The following CACNA2D3 variants were observed in gnomAD, a reference collection of about 807,000 sequenced individuals.
The protein encoded by CACNA2D3 is calcium voltage-gated channel auxiliary subunit alpha2delta 3, also known as voltage-dependent calcium channel subunit alpha-2/delta-3.
In CACNA2D3, 60 loss-of-function variants were observed where a neutral mutation model predicts 160.6. The observed-to-expected ratio is 0.37, with a 90% CI of 0.30 to 0.46. The LOEUF (loss-of-function observed/expected upper bound fraction) is 0.46. Among genes scored for constraint, CACNA2D3 ranks in the 20% least tolerant of loss-of-function variants. The probability of loss-of-function intolerance (pLI) is 1.00; values close to 1 mark genes in which losing one functional copy is unlikely to be tolerated. For missense variants in CACNA2D3, 1,205 were observed against 1,365.0 expected (o/e 0.88, Z 1.85); for synonymous variants, 558 against 492.9 (o/e 1.13, Z -1.75).
chr3:54,123,445 G>T, intron 1 of CACNA2D3, 68 bp from the exon 2 acceptor site: 2 of 988,460 alleles, frequency 2.0e-6, no homozygotes, highest in Non-Finnish European at 3.3e-6. Flanking sequence ...ATGTGTGCGT[G>T]TGCGTGTGCG....
intron 10 of CACNA2D3, among the ~76,000 whole-genome samples, chr3:54,641,561 C>T (rs760725352): frequency 6.6e-5 from 10 of 152,122 alleles, no homozygotes; most frequent in South Asian, 2.1e-4. Flanking sequence ...AATTCTCTAG[C>T]GAATGCAAAT....
chr3:54,564,509 G>A (rs150756361), intron 6 of CACNA2D3, among the ~76,000 whole-genome samples: 190 of 152,280 alleles, frequency 1.2e-3, no homozygotes, highest in African/African-American at 3.7e-3. Flanking sequence ...TCTGTGCTTG[G>A]TTCTGAACAC....
At chr3:54,823,347 AG>A (rs1703682794) in intron 14 of CACNA2D3, among the ~76,000 whole-genome samples, 1 of 152,134 alleles carries the variant, frequency 6.6e-6, no homozygotes, top group Non-Finnish European at 1.5e-5. Flanking sequence ...AAAAAAACAA[AG>A]TAAAAACAAT....
chr3:54,709,809 C>T (rs1700922501), intron 11 of CACNA2D3, among the ~76,000 whole-genome samples: 1 of 152,122 alleles, frequency 6.6e-6, no homozygotes, highest in Non-Finnish European at 1.5e-5. Flanking sequence ...GCCTGTGGGT[C>T]CAGCTACTCA....
chr3:54,596,888 C>G (rs1169840258), intron 9 of CACNA2D3, among the ~76,000 whole-genome samples: 1 of 152,100 alleles, frequency 6.6e-6, no homozygotes, highest in Non-Finnish European at 1.5e-5. Flanking sequence ...GAAATCTTCC[C>G]TTCCCACCTA....
Position 54,984,175 on chromosome 3 carries a change from A to T in CACNA2D3, c.2557-433A>T, listed in dbSNP as rs575547458. On this transcript the variant is annotated intron_variant, in intron 29 of 37. Transcript: ENST00000474759. ...TCTGAGCTGACACGGTGTTTTCATTAATACATCATTAGAGTAATGACATTG... is the reference window on the plus strand; with the variant it reads ...TCTGAGCTGACACGGTGTTTTCATTTATACATCATTAGAGTAATGACATTG... Among the ~76,000 whole-genome samples the T allele has an allele frequency of 4.6e-5, 7 of 152,312 alleles. No homozygotes were observed. The South Asian group carries it at 1.5e-3, about 32-fold the overall frequency.
At chr3:54,468,739 G>A (rs528593654) in intron 4 of CACNA2D3, among the ~76,000 whole-genome samples, 2 of 152,152 alleles carry the variant, frequency 1.3e-5, no homozygotes, top group Non-Finnish European at 2.9e-5. Context: ...CAAGCTTGGT[G>A]GGGGGAGGTG....
intron 13 of CACNA2D3, among the ~76,000 whole-genome samples, chr3:54,806,331 A>T (rs1703122137): frequency 6.6e-6 from 1 of 152,200 alleles, no homozygotes; most frequent in South Asian, 2.1e-4. Flanking sequence ...AATCTCCTTA[A>T]GCTGATAAGC....
intron 2 of CACNA2D3, among the ~76,000 whole-genome samples, chr3:54,315,236 T>A (rs1369438946): frequency 6.6e-6 from 1 of 152,180 alleles, no homozygotes; most frequent in East Asian, 1.9e-4. Flanking sequence ...CTTTGCCCTC[T>A]CCAGGTATTT....
intron 2 of CACNA2D3, among the ~76,000 whole-genome samples, chr3:54,247,486 A>G (rs917339994): frequency 3.3e-5 from 5 of 152,252 alleles, no homozygotes; most frequent in South Asian, 2.1e-4. Context: ...TATTTTAGAA[A>G]TAAAGATTAA....
chr3:54,542,480 T>C (rs1007319392), intron 5 of CACNA2D3, among the ~76,000 whole-genome samples: 11 of 152,076 alleles, frequency 7.2e-5, no homozygotes, highest in African/African-American at 2.7e-4. Flanking sequence ...TCTCAAAACC[T>C]CACAAGTAGG....
intron 26 of CACNA2D3, 81 bp from the exon 27 acceptor site, chr3:54,899,707 C>A: frequency 1.9e-6 from 2 of 1,059,590 alleles, no homozygotes; most frequent in Non-Finnish European, 2.8e-6. Flanking sequence ...GAATTGGTGA[C>A]TGTAGACCGA....
At chr3:55,018,893 G>A (rs1703386605) in intron 35 of CACNA2D3, among the ~76,000 whole-genome samples, 1 of 149,168 alleles carries the variant, frequency 6.7e-6, no homozygotes, top group Admixed American at 6.7e-5. Context: ...CTTTACAATC[G>A]TATGCATTGT....
intron 4 of CACNA2D3, among the ~76,000 whole-genome samples, chr3:54,454,631 A>G (rs916332452): frequency 2.6e-5 from 4 of 152,134 alleles, no homozygotes; most frequent in Admixed American, 2.6e-4. Flanking sequence ...TCTTCCAGCT[A>G]TTTAAAAATA....
chr3:54,803,345 C>T (rs1362688537), intron 13 of CACNA2D3, among the ~76,000 whole-genome samples: 2 of 151,978 alleles, frequency 1.3e-5, no homozygotes, highest in Non-Finnish European at 2.9e-5. Context: ...GTAGAATAAC[C>T]AATACAGAGA....
rs866135174 is a variant in CACNA2D3, at chr3:54,929,267, C to A, written c.2449+29399C>A. Among the ~76,000 whole-genome samples, 5 of 152,230 alleles carry A rather than the reference C, an allele frequency of 3.3e-5. No homozygotes were observed. In the East Asian group the frequency reaches 9.7e-4, roughly 29 times the overall value. On this transcript the variant is annotated intron_variant, in intron 27 of 37. Transcript: ENST00000474759. Reference sequence around the variant, plus strand: ...GCCCAGGATTAAATATGGCAGTACACGACATGGCCCAGAGTGTCTTCATAA... The same window carrying A: ...GCCCAGGATTAAATATGGCAGTACAAGACATGGCCCAGAGTGTCTTCATAA...
Position 54,642,369 on chromosome 3 carries a change from G to T in CACNA2D3, c.1167+128G>T, listed in dbSNP as rs535967721. The T allele has an allele frequency of 5.7e-6, 3 of 528,990 alleles. No homozygotes were observed. The East Asian group carries it at 1.0e-4, about 18-fold the overall frequency. 32.8% of individuals were successfully genotyped at this position (528,990 alleles called of 1,614,324 possible). On this transcript the variant is annotated intron_variant, in intron 11 of 37. Transcript: ENST00000474759. ...TAATGATCTGTGGTTTCTCAGCCTT[G>T]TGTTTTTTGGTTGACCAAAACTGAA...
intron 5 of CACNA2D3, among the ~76,000 whole-genome samples, chr3:54,515,216 G>A (rs1249302491): frequency 6.6e-6 from 1 of 151,558 alleles, no homozygotes; most frequent in Admixed American, 6.6e-5. Flanking sequence ...GAGAGAGAGA[G>A]AGAGAAAGAG....
At chr3:54,276,960 C>T (rs1009069966) in intron 2 of CACNA2D3, among the ~76,000 whole-genome samples, 5 of 152,190 alleles carry the variant, frequency 3.3e-5, no homozygotes, top group South Asian at 2.1e-4. Flanking sequence ...TATGGCCCAC[C>T]GCAGGCATGC....
Sources: allele counts gnomAD v4.1 joint callset (sites outside exome capture counted in the v4.1 genomes callset), GRCh38; gene constraint gnomAD v4.1.1; transcripts MANE v1.5; gene names NCBI Gene and HGNC (gene_info 2026-07-23, HGNC 2026-07-21).